Variants in HTR2A observed in about 807,000 individuals in gnomAD.
The protein encoded by HTR2A is 5-HT2 receptor.
In HTR2A, 14 loss-of-function variants were observed where a neutral mutation model predicts 31.0. That is an observed-to-expected ratio of 0.45 (90% CI 0.30 to 0.71). The LOEUF is 0.71. Ranked by LOEUF, HTR2A falls within the 30% of genes least tolerant of loss-of-function variation. The pLI is 0.09. For missense variants in HTR2A, 442 were observed against 573.3 expected, an observed-to-expected ratio of 0.77 and a Z score of 2.34; for synonymous variants, 209 against 225.2, an observed-to-expected ratio of 0.93 and a Z score of 0.64.
chr13:46,876,259 A>G (rs1055793524), intron 3 of HTR2A, among the ~76,000 whole-genome samples: 38 of 152,008 alleles, frequency 2.5e-4, no homozygotes, highest in Non-Finnish European at 1.5e-4. Context: ...TGACACAACC[A>G]TCTCTGATCC....
rs1489066440 is a variant in HTR2A at position 46,896,028 on chromosome 13, C to T, written c.-122G>A. 55 of 1,434,484 alleles carry T rather than the reference C, an allele frequency of 3.8e-5. No individual in the cohort carries two copies. Among genetic ancestry groups the T allele is most frequent in the Middle Eastern group, 5.1e-4 (2 of 3,886 alleles). 88.9% of individuals were successfully genotyped at this position (1,434,484 alleles called of 1,614,324 possible). On this transcript the variant is annotated 5_prime_UTR_variant, in exon 2 of 4. Transcript: ENST00000542664. ...CTGAGGCTGGTGTACATGCTGTTCT[C>T]CCGGGGCTGGATTTTTGTCTTCCAT...
intron 3 of HTR2A, among the ~76,000 whole-genome samples, chr13:46,847,042 C>T (rs1950648304): frequency 1.3e-5 from 2 of 152,290 alleles, no homozygotes; most frequent in East Asian, 1.9e-4. Context: ...GCATGCTGCT[C>T]TTTGGTGGAA....
chr13:46,866,135 A>G (rs1267012062), intron 3 of HTR2A, among the ~76,000 whole-genome samples: 1 of 152,230 alleles, frequency 6.6e-6, no homozygotes, highest in South Asian at 2.1e-4. Context: ...TAAAATGTCT[A>G]TTACTATCAG....
intron 3 of HTR2A, among the ~76,000 whole-genome samples, chr13:46,849,050 G>A (rs907052883): frequency 6.6e-6 from 1 of 152,112 alleles, no homozygotes; most frequent in South Asian, 2.1e-4. Context: ...GGATGTCTCC[G>A]ATGGGCATCC....
At chr13:46,869,524 CAAAAAG>C (rs1950847937) in intron 3 of HTR2A, among the ~76,000 whole-genome samples, 1 of 152,004 alleles carries the variant, frequency 6.6e-6, no homozygotes, top group Non-Finnish European at 1.5e-5. Context: ...GATAGTTCAT[CAAAAAG>C]TTAAAGATAG....
At chr13:46,852,916 C>T (rs1048596895) in intron 3 of HTR2A, among the ~76,000 whole-genome samples, 3 of 151,542 alleles carry the variant, frequency 2.0e-5, no homozygotes, top group South Asian at 4.2e-4. Flanking sequence ...ATAATTTGAA[C>T]ATGTTATATT....
chr13:46,880,641 C>T (rs1467076429), intron 3 of HTR2A, among the ~76,000 whole-genome samples: 1 of 152,020 alleles, frequency 6.6e-6, no homozygotes, highest in Non-Finnish European at 1.5e-5. Context: ...GAGATCGAGA[C>T]TAGCCTGACT....
chr13:46,881,747 C>T (rs563143020), intron 3 of HTR2A, among the ~76,000 whole-genome samples: 1 of 152,276 alleles, frequency 6.6e-6, no homozygotes, highest in African/African-American at 2.4e-5. Context: ...GGGCATAAAC[C>T]TGGAGGGTCC....
chr13:46,894,233 C>T (rs974351081), intron 2 of HTR2A, among the ~76,000 whole-genome samples: 2 of 152,124 alleles, frequency 1.3e-5, no homozygotes, highest in African/African-American at 4.8e-5. Context: ...CTCAGAGCGG[C>T]GGCCGCCAGG....
At chr13:46,891,586 T>C (rs1951053049) in intron 3 of HTR2A, among the ~76,000 whole-genome samples, 1 of 152,242 alleles carries the variant, frequency 6.6e-6, no homozygotes, top group Non-Finnish European at 1.5e-5. Context: ...TATTAGCGGA[T>C]GCTGGCACTG....
Position 46,835,064 on chromosome 13 carries a change from A to G in HTR2A, c.1189T>C (p.Cys397Arg). The change falls in exon 4 of 4, where the codon TGT (cysteine) becomes CGT (arginine). Residue 397 changes from cysteine to arginine, a missense_variant. By Grantham distance (180) the Cys-to-Arg change is radical. This residue lies in a region of HTR2A where 11 missense variants were observed against 31.3 expected (regional missense o/e 0.35). Transcript: ENST00000542664. ...GGTTTTTTGTTTTCCTTGTACTGAC[A>G]CTGAATATACCGTGAAAAGGCTGAC... ...YRSAFSRYIQ[C>R]QYKENKKPLQ... The G allele has an allele frequency of 6.2e-7, 1 of 1,614,100 alleles. No individual in the cohort carries two copies.
chr13:46,889,337 C>T (rs1167040588), intron 3 of HTR2A, among the ~76,000 whole-genome samples: 1 of 152,068 alleles, frequency 6.6e-6, no homozygotes. Flanking sequence ...AATGTAAATG[C>T]AATAACTATA....
intron 3 of HTR2A, among the ~76,000 whole-genome samples, chr13:46,889,815 A>G (rs952016577): frequency 6.6e-6 from 1 of 152,248 alleles, no homozygotes; most frequent in Admixed American, 6.5e-5. Flanking sequence ...ACTCAAGAGA[A>G]TATTTGTGCT....
rs759269583 is a variant in HTR2A at position 46,892,382 on chromosome 13, C to G, written c.613+8G>C. The G allele has an allele frequency of 1.2e-6, 2 of 1,611,972 alleles. No homozygotes were observed. Among genetic ancestry groups the G allele is most frequent in the East Asian group, 4.5e-5 (2 of 44,882 alleles). ...TCAAATGAGACTCTGAAATATGTTG[C>G]CACTTACCTACTGATATGGTCCAAA... On this transcript the variant is annotated splice_region_variant and intron_variant, in intron 3 of 3. Transcript: ENST00000542664.
chr13:46,845,193 C>T (rs896872126), intron 3 of HTR2A, among the ~76,000 whole-genome samples: 4 of 151,974 alleles, frequency 2.6e-5, no homozygotes, highest in South Asian at 2.1e-4. Context: ...AGAATGAGAT[C>T]GAGAGGCAAA....
chr13:46,835,549 AC>A lies in HTR2A; in HGVS notation c.703del (p.Val235SerfsTer2). On this transcript the variant is annotated frameshift_variant, in exon 4 of 4. Transcript: ENST00000542664. LOFTEE classifies it high-confidence loss of function. ...AAATGACACAAAAGAGCCGATCAGG[AC>A]AAAGTTATCATCGGCGAGTAAGCAA... ...GSCLLADDNF[V>X]LIGSFVSFFI... The A allele has an allele frequency of 4.3e-6, 7 of 1,614,116 alleles. No homozygotes were observed. The highest frequency in any genetic ancestry group is 5.9e-6 in the Non-Finnish European group (7 of 1,179,964).
intron 3 of HTR2A, among the ~76,000 whole-genome samples, chr13:46,890,423 G>A (rs1258781490): frequency 6.6e-6 from 1 of 152,206 alleles, no homozygotes; most frequent in African/African-American, 2.4e-5. Context: ...GCCTCCTGTG[G>A]TGATAGTCTG....
Position 46,835,515 on chromosome 13 carries a change from G to C in HTR2A, c.738C>G (p.Pro246=). 6.2e-7 allele frequency: 1 copy of C among 1,614,022 alleles called. No individual in the cohort carries two copies. Among genetic ancestry groups the C allele is most frequent in the East Asian group, 2.2e-5 (1 of 44,878 alleles). ...LIGSFVSFFI[P]LTIMVITYFL... is the part of the protein sequence containing the mutation. ...AGTAGGTGATCACCATGATGGTTAA[G>C]GGAATGAAAAATGACACAAAAGAGC... The change falls in exon 4 of 4, where the codon CCC becomes CCG. Residue 246 remains proline (P), a synonymous_variant. Coordinates refer to ENST00000542664, the MANE Select transcript of HTR2A (RefSeq NM_000621.5).
At chr13:46,864,772 AGTT>A (rs138907887) in intron 3 of HTR2A, among the ~76,000 whole-genome samples, 60,356 of 151,842 alleles carry the variant, frequency 0.4, 12,280 homozygotes, top group East Asian at 0.64. Context: ...AGGACTAGCT[AGTT>A]GTTTATCTAG....
Sources: allele counts gnomAD v4.1 joint callset (sites outside exome capture counted in the v4.1 genomes callset), GRCh38; gene constraint gnomAD v4.1.1; regional missense constraint gnomAD v4.1.1; transcripts MANE v1.5; gene names NCBI Gene and HGNC (gene_info 2026-07-23, HGNC 2026-07-21).